PPP6C: variants seen among roughly 807,000 people sequenced by gnomAD.
PPP6C encodes the protein protein phosphatase 6 catalytic subunit.
A neutral mutation model predicts 39.8 loss-of-function variants in PPP6C; 11 were observed. That is an observed-to-expected ratio of 0.28 (90% CI 0.17 to 0.46). The LOEUF (loss-of-function observed/expected upper bound fraction) is 0.46, where lower values mean the gene tolerates loss of function less well. Among genes scored for constraint, PPP6C ranks in the 20% least tolerant of loss-of-function variants. The probability of loss-of-function intolerance (pLI) is 1.00; values close to 1 mark genes in which losing one functional copy is unlikely to be tolerated. For synonymous variants in PPP6C, 129 were observed against 130.3 expected, an observed-to-expected ratio of 0.99 and a Z score of 0.07; for missense variants, 211 against 373.9, an observed-to-expected ratio of 0.56 and a Z score of 3.59.
At chr9:125,178,723 G>C (rs1431077046) in intron 1 of PPP6C, among the ~76,000 whole-genome samples, 1 of 152,096 alleles carries the variant, frequency 6.6e-6, no homozygotes, top group Non-Finnish European at 1.5e-5. Flanking sequence ...AAACATTTCT[G>C]CAAAGCCACC....
Position 125,158,159 on chromosome 9 carries a change from G to A in PPP6C, c.379+82C>T. 5.3e-6 allele frequency: 7 copies of A among 1,333,066 alleles called. No individual in the cohort carries two copies. The South Asian group carries it at 8.1e-5, about 15-fold the overall frequency. The allele number at this position is 1,333,066 out of a possible 1,614,324, so 82.6% of individuals were successfully genotyped here. A position where few individuals can be genotyped will look rare whatever the true frequency, so the allele number is the denominator to read the frequency against. On this transcript the variant is annotated intron_variant, in intron 4 of 6. Transcript: ENST00000373547. ...ATGTGGGGAAAATAATATACATAAA[G>A]CATGTGTATGACTTGTGTAGCTTTG...
At chr9:125,186,899 A>C (rs545483458) in intron 1 of PPP6C, among the ~76,000 whole-genome samples, 2 of 151,764 alleles carry the variant, frequency 1.3e-5, no homozygotes, top group Admixed American at 6.6e-5. Flanking sequence ...AATGTTTATC[A>C]AACTAAGAGG....
Position 125,163,078 on chromosome 9 carries a change from CA to C in PPP6C, c.172-2173del, listed in dbSNP as rs1022750029. On this transcript the variant is annotated intron_variant, in intron 2 of 6. Coordinates refer to ENST00000373547, the MANE Select transcript of PPP6C (RefSeq NM_002721.5). ...TGGATGACACAGCAAGACTCTGTCT[CA>C]AAAAAAAAAAAGTGTTATGACAACA... Among the ~76,000 whole-genome samples, 370 of 134,690 alleles carry C rather than the reference CA, an allele frequency of 2.7e-3. 2 individuals are homozygous for C. Among genetic ancestry groups the C allele is most frequent in the African/African-American group, 7.0e-3 (257 of 36,640 alleles). The allele number at this position is 134,690 out of a possible 152,430, so 88.4% of individuals were successfully genotyped here.
chr9:125,165,987 G>C (rs550643627), intron 2 of PPP6C, among the ~76,000 whole-genome samples: 1 of 152,032 alleles, frequency 6.6e-6, no homozygotes, highest in South Asian at 2.1e-4. Flanking sequence ...AGTAGAGACA[G>C]GGTTTCACCA....
chr9:125,157,851 C>T (rs998210100), intron 4 of PPP6C, among the ~76,000 whole-genome samples: 2 of 152,024 alleles, frequency 1.3e-5, no homozygotes, highest in Non-Finnish European at 2.9e-5. Context: ...CCACCACGCT[C>T]AGCTCATTTT....
chr9:125,173,511 G>C (rs959948763), intron 1 of PPP6C, among the ~76,000 whole-genome samples: 13 of 151,296 alleles, frequency 8.6e-5, no homozygotes, highest in Non-Finnish European at 1.3e-4. Context: ...CCAGGAGACA[G>C]AGGTTGCCGA....
chr9:125,158,339 G>A lies in PPP6C; in HGVS notation c.281C>T (p.Thr94Ile). 5.6e-6 allele frequency: 9 copies of A among 1,613,422 alleles called. No homozygotes were observed. The highest frequency in any genetic ancestry group is 7.6e-6 in the Non-Finnish European group (9 of 1,179,424). Residue 94 changes from threonine to isoleucine, a missense_variant, in exon 4 of 7, where the codon ACT (threonine) becomes ATT (isoleucine). Thr to Ile is a moderately conservative substitution (Grantham distance 89, BLOSUM62 -1). Around this residue, in one of 2 missense-constraint regions of PPP6C, gnomAD observed 168 missense variants for 342.6 expected, o/e 0.49. Coordinates refer to ENST00000373547, the MANE Select transcript of PPP6C (RefSeq NM_002721.5). ...DRGYYSLETF[T>I]YLLALKAKWP... ...TTTAGCCTTTAATGCAAGAAGGTAA[G>A]TGAAGGTCTCCAAACTATAGTAACC...
chr9:125,156,076 GATT>G (rs1189015606), intron 4 of PPP6C, among the ~76,000 whole-genome samples: 2 of 151,658 alleles, frequency 1.3e-5, no homozygotes, highest in African/African-American at 4.9e-5. Context: ...CCAAAATATT[GATT>G]ATTTTGCAAA....
intron 2 of PPP6C, among the ~76,000 whole-genome samples, chr9:125,161,783 T>C (rs1828881245): frequency 6.6e-6 from 1 of 152,194 alleles, no homozygotes; most frequent in South Asian, 2.1e-4. Context: ...TGGCAAATTG[T>C]GCATTTGTCA....
chr9:125,151,264 T>C (rs1835934352), intron 6 of PPP6C: 8 of 1,500,248 alleles, frequency 5.3e-6, no homozygotes, highest in Non-Finnish European at 7.4e-6. Flanking sequence ...TTGTGGGAGA[T>C]GTGAAGGATC....
In PPP6C at chr9:125,158,314, T is replaced by G; in HGVS notation, c.306A>C (p.Lys102Asn). The stretch of plus-strand genomic sequence containing the variant: ...GCAAAAGTGTAATACGATCAGGCCA[T>G]TTAGCCTTTAATGCAAGAAGGTAAG... ...TFTYLLALKA[K>N]WPDRITLLRG... The change falls in exon 4 of 7, where the codon AAA becomes AAC. Residue 102 changes from lysine (K) to asparagine (N), a missense_variant. Physicochemically the swap from Lys to Asn is moderately conservative, Grantham distance 94 (BLOSUM62 0). This residue lies in a region of PPP6C where 168 missense variants were observed against 342.6 expected (regional missense o/e 0.49). Transcript: ENST00000373547. 1 of 1,612,068 alleles carries G rather than the reference T, an allele frequency of 6.2e-7. No individual in the cohort carries two copies. The highest frequency in any genetic ancestry group is 1.1e-5 in the South Asian group (1 of 91,042).
chr9:125,149,469 G>A lies in PPP6C; in HGVS notation c.*204C>T, dbSNP rs1835885860. 8.7e-6 allele frequency: 5 copies of A among 573,310 alleles called. No individual in the cohort carries two copies. In the South Asian group the frequency reaches 1.6e-4, roughly 19 times the overall value. The allele number at this position is 573,310 out of a possible 1,614,324, so 35.5% of individuals were successfully genotyped here. On this transcript the variant is annotated 3_prime_UTR_variant, in exon 7 of 7. Transcript: ENST00000373547. The stretch of plus-strand genomic sequence containing the variant: ...TCAAATGAGTCCAGGGTGGGGATGG[G>A]ATGGGGGAAAATTGATAGAAAAACT...
chr9:125,182,683 A>G (rs1275584819), intron 1 of PPP6C, among the ~76,000 whole-genome samples: 1 of 150,608 alleles, frequency 6.6e-6, no homozygotes, highest in Non-Finnish European at 1.5e-5. Context: ...TGGCACTACT[A>G]ATTATTCATT....
intron 6 of PPP6C, 136 bp downstream of exon 6, chr9:125,153,397 A>C (rs1835997823): frequency 1.3e-6 from 1 of 798,158 alleles, no homozygotes; most frequent in African/African-American, 1.7e-5. Context: ...GTTAATAACT[A>C]AACTAGAAAT....
chr9:125,165,282 C>A (rs1338265943), intron 2 of PPP6C, among the ~76,000 whole-genome samples: 2 of 151,848 alleles, frequency 1.3e-5, no homozygotes, highest in African/African-American at 4.8e-5. Context: ...ACCTGTAATC[C>A]CAGCTACTTG....
At chr9:125,151,735 C>A in intron 6 of PPP6C, 2 of 382,904 alleles carry the variant, frequency 5.2e-6, no homozygotes, top group Non-Finnish European at 9.8e-6. Flanking sequence ...TGAGCTTATC[C>A]GAAATGAAGA....
At chr9:125,170,698 A>G (rs889126973) in intron 2 of PPP6C, among the ~76,000 whole-genome samples, 1 of 152,204 alleles carries the variant, frequency 6.6e-6, no homozygotes, top group Admixed American at 6.6e-5. Context: ...ATTTTCAACA[A>G]TATATGACAG....
rs530388468 is a variant in PPP6C at position 125,148,614 on chromosome 9, T to C, written c.*1059A>G. The C allele has an allele frequency of 6.6e-6, 1 of 152,296 alleles. No homozygotes were observed. The highest frequency in any genetic ancestry group is 1.9e-4 in the East Asian group (1 of 5,192). The allele number at this position is 152,296 out of a possible 1,614,324, so 9.4% of individuals were successfully genotyped here. A position where few individuals can be genotyped will look rare whatever the true frequency, so the allele number is the denominator to read the frequency against. On this transcript the variant is annotated 3_prime_UTR_variant, in exon 7 of 7. Transcript: ENST00000373547. ...AGTTGCAGTTTAAAAATGAACACTT[T>C]CTAAAAGTTAAGGTCAAGTGTTACA...
rs974644989 is a variant in PPP6C at position 125,148,035 on chromosome 9, A to G, written c.*1638T>C. The G allele has an allele frequency of 5.4e-6, 1 of 186,360 alleles. No individual in the cohort carries two copies. Among genetic ancestry groups the G allele is most frequent in the African/African-American group, 2.4e-5 (1 of 41,714 alleles). The allele number at this position is 186,360 out of a possible 1,614,324, so 11.5% of individuals were successfully genotyped here. ...TCTTAGCCACCTCTTTCATATAGCT[A>G]TATAATTAAAAACTATGTAAGGAGC... On this transcript the variant is annotated 3_prime_UTR_variant, in exon 7 of 7. Transcript: ENST00000373547.
Sources: gnomAD v4.1 joint callset for allele counts (sites outside exome capture counted in the v4.1 genomes callset) on GRCh38, gnomAD v4.1.1 for gene constraint, gnomAD v4.1.1 regional missense constraint, MANE v1.5 for transcripts, NCBI Gene and HGNC (gene_info 2026-07-23, HGNC 2026-07-21) for gene names.